The following EPHA3 variants were observed in gnomAD, a reference collection of about 807,000 sequenced individuals.
EPHA3 encodes the protein EPH receptor A3.
A neutral mutation model predicts 107.1 loss-of-function variants in EPHA3; 42 were observed. The observed-to-expected ratio is 0.39, with a 90% CI of 0.31 to 0.51. The LOEUF is 0.51. EPHA3 is among the 20% of genes least tolerant of loss of function. The pLI, the probability that EPHA3 is intolerant of heterozygous loss-of-function variation, is 0.78. For synonymous variants in EPHA3, 461 were observed against 424.8 expected, an observed-to-expected ratio of 1.09 and a Z score of -1.05; for missense variants, 1,183 against 1,211.2, an observed-to-expected ratio of 0.98 and a Z score of 0.35.
intron 3 of EPHA3, among the ~76,000 whole-genome samples, chr3:89,252,948 G>A (rs1705197862): frequency 6.6e-6 from 1 of 151,250 alleles, no homozygotes; most frequent in African/African-American, 2.4e-5. Flanking sequence ...CTGAATTTAG[G>A]TTCTTTAATT....
At chr3:89,441,869 G>A (rs989927605) in intron 13 of EPHA3, among the ~76,000 whole-genome samples, 5 of 152,124 alleles carry the variant, frequency 3.3e-5, no homozygotes, top group African/African-American at 1.2e-4. Flanking sequence ...TGTAAAGTGT[G>A]ACTCAGTTAA....
chr3:89,217,432 T>C (rs542230137), intron 3 of EPHA3, among the ~76,000 whole-genome samples: 9 of 152,154 alleles, frequency 5.9e-5, no homozygotes, highest in South Asian at 2.1e-4. Flanking sequence ...AAAAAAACTC[T>C]AAACTTTGGT....
At chr3:89,383,399 A>G (rs1708548661) in intron 5 of EPHA3, among the ~76,000 whole-genome samples, 1 of 152,100 alleles carries the variant, frequency 6.6e-6, no homozygotes, top group Non-Finnish European at 1.5e-5. Context: ...TTCTTGAACT[A>G]AAGATATATT....
At chr3:89,437,513 TTGC>T (rs1709696681) in intron 13 of EPHA3, among the ~76,000 whole-genome samples, 1 of 152,210 alleles carries the variant, frequency 6.6e-6, no homozygotes. Context: ...TGTTATATTT[TTGC>T]CCTGGTCTAC....
chr3:89,163,203 T>G (rs900090774), intron 2 of EPHA3, among the ~76,000 whole-genome samples: 3 of 152,122 alleles, frequency 2.0e-5, no homozygotes, highest in Non-Finnish European at 4.4e-5. Context: ...TGATGATACC[T>G]ATTTTGGAGG....
At chr3:89,334,061 TC>T (rs1238759644) in intron 3 of EPHA3, among the ~76,000 whole-genome samples, 1 of 152,210 alleles carries the variant, frequency 6.6e-6, no homozygotes, top group Non-Finnish European at 1.5e-5. Context: ...GTCTATTCAT[TC>T]CCATAAAATT....
chr3:89,302,669 A>G (rs1706519441), intron 3 of EPHA3, among the ~76,000 whole-genome samples: 1 of 152,124 alleles, frequency 6.6e-6, no homozygotes, highest in Non-Finnish European at 1.5e-5. Context: ...TCTTTAAAAA[A>G]TCTTCAAAAT....
At chr3:89,292,630 A>G (rs1442756277) in intron 3 of EPHA3, among the ~76,000 whole-genome samples, 4 of 152,172 alleles carry the variant, frequency 2.6e-5, no homozygotes, top group African/African-American at 9.6e-5. Flanking sequence ...TCTTAACTCT[A>G]TTTGATCTAT....
In EPHA3 at chr3:89,264,464, AC is replaced by A. The variant is rs1326204850; in HGVS notation, c.814+53948del. Among the ~76,000 whole-genome samples, 18 of 151,842 alleles carry A rather than the reference AC, an allele frequency of 1.2e-4. No homozygotes were observed. In the South Asian group the frequency reaches 3.7e-3, roughly 32 times the overall value. ...CCCCACCAACTCCTACCTCCCTCGT[AC>A]CCCTTGCTCAGTGAAATCGTACTCA... On this transcript the variant is annotated intron_variant, in intron 3 of 16. Coordinates refer to ENST00000336596, the MANE Select transcript of EPHA3 (RefSeq NM_005233.6).
chr3:89,351,416 A>G (rs1428484553), intron 5 of EPHA3, among the ~76,000 whole-genome samples: 1 of 150,774 alleles, frequency 6.6e-6, no homozygotes, highest in Non-Finnish European at 1.5e-5. Context: ...TGACTCGGAA[A>G]GGGAACTCCC....
At chr3:89,305,145 A>T (rs2107351457) in intron 3 of EPHA3, among the ~76,000 whole-genome samples, 1 of 152,278 alleles carries the variant, frequency 6.6e-6, no homozygotes, top group East Asian at 1.9e-4. Flanking sequence ...GATACTTGCA[A>T]TACTTTCCAT....
intron 3 of EPHA3, among the ~76,000 whole-genome samples, chr3:89,221,794 T>A (rs1704383113): frequency 6.6e-6 from 1 of 152,192 alleles, no homozygotes; most frequent in African/African-American, 2.4e-5. Context: ...CCTGATGCTT[T>A]TCATAATATA....
At chr3:89,452,526 C>A (rs929296854) in intron 15 of EPHA3, among the ~76,000 whole-genome samples, 1 of 152,094 alleles carries the variant, frequency 6.6e-6, no homozygotes, top group African/African-American at 2.4e-5. Flanking sequence ...AGGTCCTTTG[C>A]CCATTTTTAA....
intron 3 of EPHA3, among the ~76,000 whole-genome samples, chr3:89,314,380 C>T (rs1706842283): frequency 2.0e-5 from 3 of 151,682 alleles, no homozygotes; most frequent in South Asian, 4.2e-4. Context: ...CACATGGGGG[C>T]AAATAAGATT....
intron 2 of EPHA3, among the ~76,000 whole-genome samples, chr3:89,167,352 T>C (rs1420087216): frequency 6.6e-6 from 1 of 152,116 alleles, no homozygotes; most frequent in Non-Finnish European, 1.5e-5. Flanking sequence ...ATTTATATTC[T>C]CTTTAATATT....
At chr3:89,317,888 A>T (rs1706946240) in intron 3 of EPHA3, among the ~76,000 whole-genome samples, 1 of 151,856 alleles carries the variant, frequency 6.6e-6, no homozygotes, top group African/African-American at 2.4e-5. Context: ...GAGGTTTCTA[A>T]GTGGCTTAAA....
chr3:89,221,970 A>G (rs576298978), intron 3 of EPHA3, among the ~76,000 whole-genome samples: 8 of 152,272 alleles, frequency 5.3e-5, no homozygotes, highest in Admixed American at 3.9e-4. Flanking sequence ...ATTAATTAGC[A>G]TAACATCTCT....
chr3:89,113,485 C>CAAAAAA (rs753848304), intron 1 of EPHA3, among the ~76,000 whole-genome samples: 587 of 31,074 alleles, frequency 0.019, 148 homozygotes, highest in East Asian at 0.034. Context: ...TTCCTTTGTA[C>CAAAAAA]AAAAAAAAAA....
chr3:89,169,245 T>A (rs79059606), intron 2 of EPHA3, among the ~76,000 whole-genome samples: 17,296 of 145,746 alleles, frequency 0.12, 1,014 homozygotes, highest in Middle Eastern at 0.19. Flanking sequence ...TTATACATGT[T>A]TTTTTTTCTA....
Sources: allele counts gnomAD v4.1 joint callset (sites outside exome capture counted in the v4.1 genomes callset), GRCh38; gene constraint gnomAD v4.1.1; transcripts MANE v1.5; gene names NCBI Gene and HGNC (gene_info 2026-07-23, HGNC 2026-07-21).